Variants in FHIP1A observed in about 807,000 individuals in gnomAD.
FHIP1A encodes FHF complex subunit HOOK-interacting protein 1A.
A neutral mutation model predicts 88.6 loss-of-function variants in FHIP1A; 61 were observed. The ratio of observed to expected loss-of-function variants is 0.69; its 90% CI spans 0.56 to 0.85. FHIP1A has a LOEUF of 0.85. Ranked by LOEUF, FHIP1A falls within the 40% of genes least tolerant of loss-of-function variation. The pLI is 0.00. For synonymous variants in FHIP1A, 478 were observed against 496.0 expected, an observed-to-expected ratio of 0.96 and a Z score of 0.48; for missense variants, 1,154 against 1,273.5, an observed-to-expected ratio of 0.91 and a Z score of 1.43.
rs186166162 is a variant in FHIP1A at position 151,668,167 on chromosome 4, T to C, written c.*5413T>C. ...GCTCTATTTGCAAATAATCCATGAATATGTTTGTCTAAAACCTGCTGAAGA... is the reference window on the plus strand; with the variant it reads ...GCTCTATTTGCAAATAATCCATGAACATGTTTGTCTAAAACCTGCTGAAGA... On this transcript the variant is annotated 3_prime_UTR_variant, in exon 14 of 14. Coordinates refer to ENST00000435205, the MANE Select transcript of FHIP1A (RefSeq NM_001109977.3). Among the ~76,000 whole-genome samples the C allele has an allele frequency of 1.1e-3, 167 of 152,304 alleles. No individual in the cohort carries two copies. Among genetic ancestry groups the C allele is most frequent in the Non-Finnish European group, 1.8e-3 (123 of 68,024 alleles).
At chr4:151,570,068 T>G (rs1170300170) in intron 4 of FHIP1A, among the ~76,000 whole-genome samples, 1 of 152,162 alleles carries the variant, frequency 6.6e-6, no homozygotes, top group Non-Finnish European at 1.5e-5. Flanking sequence ...ATCTGTCTGG[T>G]TCATTCCTCT....
At chr4:151,467,618 GT>G (rs1729368200) in intron 2 of FHIP1A, among the ~76,000 whole-genome samples, 1 of 152,142 alleles carries the variant, frequency 6.6e-6, no homozygotes, top group Admixed American at 6.5e-5. Flanking sequence ...AGAAAATGTA[GT>G]ACATATACAC....
At chr4:151,597,714 A>C (rs766002602) in intron 7 of FHIP1A, among the ~76,000 whole-genome samples, 9 of 152,152 alleles carry the variant, frequency 5.9e-5, no homozygotes, top group Non-Finnish European at 8.8e-5. Context: ...CCTTTCTTTC[A>C]GAGATGCCCA....
Position 151,662,916 on chromosome 4 carries a change from T to G in FHIP1A, c.*162T>G, listed in dbSNP as rs938944821. 3 of 670,006 alleles carry G rather than the reference T, an allele frequency of 4.5e-6. No homozygotes were observed. Among genetic ancestry groups the G allele is most frequent in the African/African-American group, 3.7e-5 (2 of 53,544 alleles). 41.5% of individuals were successfully genotyped at this position (670,006 alleles called of 1,614,324 possible). ...TTTCTGTATCTTTCCTCTCTCTCTC[T>G]AGCCGGGCCTTTCCACCTTATGTTA... On this transcript the variant is annotated 3_prime_UTR_variant, in exon 14 of 14. Transcript: ENST00000435205.
intron 3 of FHIP1A, among the ~76,000 whole-genome samples, chr4:151,556,890 A>G (rs1053683646): frequency 3.3e-5 from 5 of 152,082 alleles, no homozygotes; most frequent in African/African-American, 4.8e-5. Context: ...TCCTGACCCC[A>G]AGTGCCTACT....
At chr4:151,427,687 ACTT>A (rs1453901864) in intron 1 of FHIP1A, among the ~76,000 whole-genome samples, 5 of 152,124 alleles carry the variant, frequency 3.3e-5, no homozygotes, top group Non-Finnish European at 7.4e-5. Flanking sequence ...AACATTTTGA[ACTT>A]CTTATTACAT....
chr4:151,665,262 C>T lies in FHIP1A; in HGVS notation c.*2508C>T, dbSNP rs1157048978. On this transcript the variant is annotated 3_prime_UTR_variant, in exon 14 of 14. Coordinates refer to ENST00000435205, the MANE Select transcript of FHIP1A (RefSeq NM_001109977.3). ...GAAGTGCTGGGATTACAGGTGTGAG[C>T]CACTGGGTCCAGCCTGAAGTAGACT... 1.3e-5 allele frequency among the ~76,000 whole-genome samples: 2 copies of T among 152,204 alleles called. No homozygotes were observed. The highest frequency in any genetic ancestry group is 2.9e-5 in the Non-Finnish European group (2 of 68,038).
At chr4:151,625,234 A>G (rs750679386) in intron 7 of FHIP1A, among the ~76,000 whole-genome samples, 7 of 152,096 alleles carry the variant, frequency 4.6e-5, no homozygotes, top group Non-Finnish European at 8.8e-5. Flanking sequence ...CTGATGACTC[A>G]CTGATAACCC....
chr4:151,528,844 G>A (rs983249908), intron 3 of FHIP1A, among the ~76,000 whole-genome samples: 7 of 152,150 alleles, frequency 4.6e-5, no homozygotes, highest in Admixed American at 3.9e-4. Flanking sequence ...CCCCCCTTCA[G>A]CTGAGGCTAC....
At chr4:151,480,040 C>A (rs1187749792) in intron 2 of FHIP1A, among the ~76,000 whole-genome samples, 3 of 151,988 alleles carry the variant, frequency 2.0e-5, no homozygotes, top group Non-Finnish European at 2.9e-5. Context: ...AGCTTCCCCC[C>A]TTTTTGGCAG....
Position 151,664,528 on chromosome 4 carries a change from A to T in FHIP1A, c.*1774A>T, listed in dbSNP as rs1170393333. Among the ~76,000 whole-genome samples the T allele has an allele frequency of 1.3e-5, 2 of 152,216 alleles. No individual in the cohort carries two copies. The highest frequency in any genetic ancestry group is 4.8e-5 in the African/African-American group (2 of 41,466). The stretch of plus-strand genomic sequence containing the variant: ...TGTACATTTCTGTTTGTCTTGACAA[A>T]TGGTTTGCTCAGCTGTGGTGCAGCA... On this transcript the variant is annotated 3_prime_UTR_variant, in exon 14 of 14. Coordinates refer to ENST00000435205, the MANE Select transcript of FHIP1A (RefSeq NM_001109977.3).
chr4:151,511,539 AG>A (rs1448037659), intron 3 of FHIP1A, among the ~76,000 whole-genome samples: 1 of 152,222 alleles, frequency 6.6e-6, no homozygotes, highest in Non-Finnish European at 1.5e-5. Context: ...AGTCAAAGAA[AG>A]GGGTGACAGA....
intron 3 of FHIP1A, among the ~76,000 whole-genome samples, chr4:151,513,854 G>T (rs917119396): frequency 3.7e-4 from 55 of 150,298 alleles, no homozygotes; most frequent in African/African-American, 1.1e-3. Flanking sequence ...AATAATAATG[G>T]GAGACTTTAA....
chr4:151,553,388 G>A (rs879625728), intron 3 of FHIP1A, among the ~76,000 whole-genome samples: 4 of 152,116 alleles, frequency 2.6e-5, no homozygotes, highest in Admixed American at 2.6e-4. Context: ...ATATGAAAGG[G>A]AAGAAACAAA....
In FHIP1A at chr4:151,441,350, C is replaced by CT. The variant is rs1328212214; in HGVS notation, c.-355-13348dup. The stretch of plus-strand genomic sequence containing the variant: ...TTTTTTTTTTTTGTATTAAGATGAC[C>CT]TTTAAAAAAAACTGGATGATAGTGT... On this transcript the variant is annotated intron_variant, in intron 1 of 13. Coordinates refer to ENST00000435205, the MANE Select transcript of FHIP1A (RefSeq NM_001109977.3). Among the ~76,000 whole-genome samples the CT allele has an allele frequency of 2.0e-5, 3 of 150,248 alleles. No homozygotes were observed. In the East Asian group the frequency reaches 5.8e-4, roughly 29 times the overall value.
At chr4:151,582,794 A>T (rs1734073641) in intron 5 of FHIP1A, among the ~76,000 whole-genome samples, 1 of 152,220 alleles carries the variant, frequency 6.6e-6, no homozygotes, top group Admixed American at 6.5e-5. Context: ...AATCAATGAA[A>T]GGCTAAAATA....
At chr4:151,504,088 G>A (rs868172727) in intron 3 of FHIP1A, among the ~76,000 whole-genome samples, 11 of 152,262 alleles carry the variant, frequency 7.2e-5, no homozygotes, top group South Asian at 2.1e-4. Flanking sequence ...ACAGTAACTC[G>A]AGATCAACTA....
intron 3 of FHIP1A, among the ~76,000 whole-genome samples, chr4:151,505,393 T>C (rs1236252568): frequency 6.6e-6 from 1 of 152,184 alleles, no homozygotes; most frequent in Admixed American, 6.5e-5. Flanking sequence ...GGGGCTGCTA[T>C]TACCAAATGG....
At chr4:151,588,785 A>T in intron 6 of FHIP1A, 55 bp from the exon 7 acceptor site, 2 of 1,095,778 alleles carry the variant, frequency 1.8e-6, no homozygotes, top group South Asian at 2.7e-5. Flanking sequence ...GTTTTATTTT[A>T]AGAACTGAAG....
Sources: gnomAD v4.1 joint callset for allele counts (sites outside exome capture counted in the v4.1 genomes callset) on GRCh38, gnomAD v4.1.1 for gene constraint, MANE v1.5 for transcripts, NCBI Gene and HGNC (gene_info 2026-07-23, HGNC 2026-07-21) for gene names.